COA1: variants seen among roughly 807,000 people sequenced by gnomAD.
COA1 encodes cytochrome c oxidase assembly factor 1 homolog.
Under a neutral mutation model 16.0 loss-of-function variants are expected in COA1, and 13 were observed. The observed-to-expected ratio is 0.81, with a 90% CI of 0.53 to 1.29. The LOEUF (loss-of-function observed/expected upper bound fraction) is 1.29. Among genes scored for constraint, COA1 ranks in the 50% most tolerant of loss-of-function variants. The pLI is 0.00. For synonymous variants in COA1, 65 were observed against 65.7 expected, an observed-to-expected ratio of 0.99 and a Z score of 0.05; for missense variants, 179 against 177.0, an observed-to-expected ratio of 1.01 and a Z score of -0.06.
At chr7:43,664,556 A>AC (rs2092752820) in intron 1 of COA1, among the ~76,000 whole-genome samples, 2 of 152,132 alleles carry the variant, frequency 1.3e-5, no homozygotes, top group Admixed American at 6.6e-5. Context: ...TCCCTGTTCC[A>AC]CCCTTAGAAA....
At chr7:43,615,321 G>A (rs2083246029) in intron 6 of COA1, among the ~76,000 whole-genome samples, 1 of 152,070 alleles carries the variant, frequency 6.6e-6, no homozygotes, top group Non-Finnish European at 1.5e-5. Context: ...GACTACAGGT[G>A]TACACCACCA....
At chr7:43,628,046 G>A (rs2084771322) in intron 6 of COA1, among the ~76,000 whole-genome samples, 1 of 152,188 alleles carries the variant, frequency 6.6e-6, no homozygotes, top group South Asian at 2.1e-4. Context: ...GAGTGCAATG[G>A]TGGGATCTTG....
chr7:43,624,567 A>C (rs1389970044), intron 6 of COA1: 1 of 1,614,132 alleles, frequency 6.2e-7, no homozygotes, highest in Admixed American at 1.7e-5. Flanking sequence ...GTTGACACAG[A>C]GCAGTATTCA....
chr7:43,625,024 G>C, intron 6 of COA1: 1 of 526,364 alleles, frequency 1.9e-6, no homozygotes, highest in Admixed American at 3.7e-5. Context: ...TGCCAACCAG[G>C]AGATTTAACA....
intron 1 of COA1, among the ~76,000 whole-genome samples, chr7:43,658,557 T>C (rs991992466): frequency 6.6e-6 from 1 of 152,142 alleles, no homozygotes; most frequent in African/African-American, 2.4e-5. Flanking sequence ...TAAGACCAAA[T>C]AACATAGTAA....
At chr7:43,673,512 C>T (rs55728330) in intron 1 of COA1, among the ~76,000 whole-genome samples, 65,793 of 152,004 alleles carry the variant, frequency 0.43, 14,686 homozygotes, top group African/African-American at 0.55. Flanking sequence ...GGCAAGGTTG[C>T]GGAGAAAAGG....
intron 6 of COA1, among the ~76,000 whole-genome samples, chr7:43,614,391 C>T (rs1242024158): frequency 6.6e-6 from 1 of 152,206 alleles, no homozygotes; most frequent in Non-Finnish European, 1.5e-5. Flanking sequence ...TTGTGTGCCA[C>T]AACTTCTTTA....
chr7:43,708,715 C>A (rs1418154926), intron 1 of COA1, among the ~76,000 whole-genome samples: 1 of 151,974 alleles, frequency 6.6e-6, no homozygotes, highest in Admixed American at 6.6e-5. Flanking sequence ...TCTCTCTTAC[C>A]CATTATTCTA....
Position 43,645,291 on chromosome 7 carries a change from A to G in COA1, c.224T>C (p.Leu75Pro), listed in dbSNP as rs201427776. 5.0e-6 allele frequency: 8 copies of G among 1,614,056 alleles called. No individual in the cohort carries two copies. In the East Asian group the frequency reaches 1.8e-4, roughly 36 times the overall value. The change falls in exon 4 of 6, where the codon CTC (leucine) becomes CCC (proline). Residue 75 changes from leucine to proline, a missense_variant. By Grantham distance (98) the Leu-to-Pro change is moderately conservative. Coordinates refer to ENST00000223336, the MANE Select transcript of COA1 (RefSeq NM_018224.4). ...GPPLNIHYLK[L>P]IDRENFVDIV... ...GTCCACGAAGTTTTCCCTGTCGATG[A>G]GCTTGAGATAATGGATGTTGAGAGG...
In COA1 at chr7:43,623,459, C is replaced by T. The variant is rs968528597; in HGVS notation, c.*134-13964G>A. On this transcript the variant is annotated intron_variant and NMD_transcript_variant, in intron 6 of 6. Coordinates refer to the COA1 transcript ENST00000415076. Reference sequence around the variant, plus strand: ...AATTTATGGTAACCTTTCATTTTAGCCCAAACGTTGGATAGTGCCTTATAG... The same window carrying T: ...AATTTATGGTAACCTTTCATTTTAGTCCAAACGTTGGATAGTGCCTTATAG... The T allele has an allele frequency of 6.2e-6, 5 of 805,958 alleles. No individual in the cohort carries two copies. The Admixed American group carries it at 7.6e-5, about 12-fold the overall frequency. 49.9% of individuals were successfully genotyped at this position (805,958 alleles called of 1,614,324 possible). A position where few individuals can be genotyped will look rare whatever the true frequency, so the allele number is the denominator to read the frequency against.
At chr7:43,674,505 T>C (rs928570228) in intron 1 of COA1, among the ~76,000 whole-genome samples, 17 of 152,220 alleles carry the variant, frequency 1.1e-4, no homozygotes, top group African/African-American at 3.1e-4. Flanking sequence ...TAAAACTCTA[T>C]AATTTTGAGG....
In COA1 at chr7:43,702,213, A is replaced by G. The variant is rs573548652; in HGVS notation, c.-39+27216T>C. Among the ~76,000 whole-genome samples, 19 of 152,170 alleles carry G rather than the reference A, an allele frequency of 1.2e-4. No individual in the cohort carries two copies. In the South Asian group the frequency reaches 3.3e-3, roughly 27 times the overall value. On this transcript the variant is annotated intron_variant, in intron 1 of 5. Transcript: ENST00000223336. ...ACATAACTGTCCTAGGTATTCTTCTAAAGTTTTTATAGTTTTAGATTTTAC... is the reference window on the plus strand; with the variant it reads ...ACATAACTGTCCTAGGTATTCTTCTGAAGTTTTTATAGTTTTAGATTTTAC...
chr7:43,707,064 C>A (rs1316941751), intron 1 of COA1, among the ~76,000 whole-genome samples: 1 of 152,028 alleles, frequency 6.6e-6, no homozygotes, highest in Non-Finnish European at 1.5e-5. Context: ...CAGCTAGCTA[C>A]TCAGGAGGCT....
At chr7:43,679,672 G>A (rs1443714371) in intron 1 of COA1, among the ~76,000 whole-genome samples, 1 of 152,216 alleles carries the variant, frequency 6.6e-6, no homozygotes, top group Non-Finnish European at 1.5e-5. Flanking sequence ...CACTGTCTAA[G>A]TACCTACGCT....
chr7:43,726,571 T>G (rs897960098), intron 1 of COA1, among the ~76,000 whole-genome samples: 1 of 152,130 alleles, frequency 6.6e-6, no homozygotes, highest in Non-Finnish European at 1.5e-5. Context: ...AATTATAAAG[T>G]TTTTCCTTGC....
chr7:43,673,985 A>G (rs964969137), intron 1 of COA1, among the ~76,000 whole-genome samples: 11 of 152,086 alleles, frequency 7.2e-5, no homozygotes, highest in African/African-American at 2.7e-4. Flanking sequence ...AGACACCAGG[A>G]CCTACTTAAA....
chr7:43,718,522 A>T (rs907254703), intron 1 of COA1, among the ~76,000 whole-genome samples: 38 of 152,334 alleles, frequency 2.5e-4, no homozygotes, highest in Admixed American at 1.1e-3. Flanking sequence ...TTTGGGATTT[A>T]AAATAACATA....
chr7:43,699,334 A>C (rs1400290575), intron 1 of COA1, among the ~76,000 whole-genome samples: 1 of 152,156 alleles, frequency 6.6e-6, no homozygotes, highest in Non-Finnish European at 1.5e-5. Context: ...GCTGTAACCA[A>C]GGTAGTTATT....
At chr7:43,655,448 C>G (rs1285375882) in intron 1 of COA1, among the ~76,000 whole-genome samples, 1 of 152,088 alleles carries the variant, frequency 6.6e-6, no homozygotes, top group Non-Finnish European at 1.5e-5. Context: ...GTCAGGAGTT[C>G]GAGACCAGCC....
Sources: gnomAD v4.1 joint callset for allele counts (sites outside exome capture counted in the v4.1 genomes callset) on GRCh38, gnomAD v4.1.1 for gene constraint, MANE v1.5 for transcripts, NCBI Gene and HGNC (gene_info 2026-07-23, HGNC 2026-07-21) for gene names.